The following KIAA1671 variants were observed in gnomAD, a reference collection of about 807,000 sequenced individuals.
The protein encoded by KIAA1671 is KIAA1671, also known as uncharacterized protein KIAA1671.
In KIAA1671, 52 loss-of-function variants were observed where a neutral mutation model predicts 131.2. That is an observed-to-expected ratio of 0.40 (90% CI 0.32 to 0.50). KIAA1671 has a LOEUF of 0.50. KIAA1671 is among the 20% of genes least tolerant of loss of function. The probability of loss-of-function intolerance (pLI) is 0.73; values close to 1 mark genes in which losing one functional copy is unlikely to be tolerated. For missense variants in KIAA1671, 2,360 were observed against 2,364.2 expected, an observed-to-expected ratio of 1.00 and a Z score of 0.04; for synonymous variants, 1,003 against 961.6, an observed-to-expected ratio of 1.04 and a Z score of -0.80.
chr22:25,158,732 G>A (rs563711544), intron 6 of KIAA1671, among the ~76,000 whole-genome samples: 2 of 152,206 alleles, frequency 1.3e-5, no homozygotes, highest in African/African-American at 4.8e-5. Flanking sequence ...TCTGTGCCTC[G>A]GTCTTCTCAT....
chr22:25,097,919 A>G (rs1391564530), intron 6 of KIAA1671, among the ~76,000 whole-genome samples: 1 of 151,980 alleles, frequency 6.6e-6, no homozygotes, highest in African/African-American at 2.4e-5. Context: ...TTTTCTTGGC[A>G]TCTTATTCCC....
chr22:25,165,952 A>T (rs1933632009), intron 6 of KIAA1671, among the ~76,000 whole-genome samples: 1 of 152,014 alleles, frequency 6.6e-6, no homozygotes, highest in Non-Finnish European at 1.5e-5. Flanking sequence ...CAGGCCCCGC[A>T]CCCATGCAGG....
Position 25,168,628 on chromosome 22 carries a change from G to A in KIAA1671, c.4531-2192G>A, listed in dbSNP as rs543714773. 2.7e-4 allele frequency among the ~76,000 whole-genome samples: 41 copies of A among 152,272 alleles called. No homozygotes were observed. In the East Asian group the frequency reaches 7.7e-3, roughly 29 times the overall value. Reference sequence around the variant, plus strand: ...AAATCACTTGAACCTGGGAGGCGGAGGTTGCGGTGAGCCAAGATTGCACCA... The same window carrying A: ...AAATCACTTGAACCTGGGAGGCGGAAGTTGCGGTGAGCCAAGATTGCACCA... On this transcript the variant is annotated intron_variant, in intron 6 of 12. Transcript: ENST00000358431.
At chr22:25,035,918 A>T (rs1360310316) in intron 4 of KIAA1671, among the ~76,000 whole-genome samples, 1 of 152,172 alleles carries the variant, frequency 6.6e-6, no homozygotes, top group African/African-American at 2.4e-5. Flanking sequence ...TAAAATACAC[A>T]TAACAGGCTG....
chr22:24,963,608 T>A (rs1328138331), intron 1 of KIAA1671, among the ~76,000 whole-genome samples: 2 of 152,074 alleles, frequency 1.3e-5, no homozygotes, highest in African/African-American at 2.4e-5. Context: ...CCTTGACCTG[T>A]GCGCTGGCTT....
At chr22:25,107,619 T>C (rs1006056359) in intron 6 of KIAA1671, among the ~76,000 whole-genome samples, 1 of 151,276 alleles carries the variant, frequency 6.6e-6, no homozygotes, top group Non-Finnish European at 1.5e-5. Flanking sequence ...GACTACAGGG[T>C]TCAAACAATC....
At chr22:25,171,305 C>T (rs1287976573) in intron 7 of KIAA1671, among the ~76,000 whole-genome samples, 1 of 152,018 alleles carries the variant, frequency 6.6e-6, no homozygotes, top group African/African-American at 2.4e-5. Context: ...GAGGCTGAGG[C>T]AGGAGAATCA....
rs1934079952 is a variant in KIAA1671, at chr22:25,177,541, C to T, written c.5074+19C>T. The T allele has an allele frequency of 6.5e-6, 10 of 1,541,166 alleles. No individual in the cohort carries two copies. The highest frequency in any genetic ancestry group is 5.9e-5 in the Admixed American group (3 of 50,618). The stretch of plus-strand genomic sequence containing the variant: ...TCAACGGGTATGCCATGACTTCTCT[C>T]CTCCTCAGATAGCACATTGAACAGC... On this transcript the variant is annotated intron_variant, in intron 9 of 12. Coordinates refer to ENST00000358431, the MANE Select transcript of KIAA1671 (RefSeq NM_001145206.2).
Position 25,190,723 on chromosome 22 carries a change from G to C in KIAA1671, c.5364G>C (p.Gln1788His), listed in dbSNP as rs1934646907. Reference sequence around the variant, plus strand: ...TCAGGTCGGATGAACCCTCTCCCCAGTGGCTAAAGGAATTGAAATCCAAGA... The same window carrying C: ...TCAGGTCGGATGAACCCTCTCCCCACTGGCTAAAGGAATTGAAATCCAAGA... ...KDERSDEPSP[Q>H]WLKELKSKKR... is the part of the protein sequence containing the mutation. The change falls in exon 12 of 13, where the codon CAG (glutamine) becomes CAC (histidine). Residue 1788 changes from glutamine to histidine, a missense_variant. Around this residue, in one of 3 missense-constraint regions of KIAA1671, gnomAD observed 1,161 missense variants for 1,204.7 expected, o/e 0.96. Transcript: ENST00000358431. The C allele has an allele frequency of 2.0e-5, 31 of 1,551,842 alleles. No homozygotes were observed. Among genetic ancestry groups the C allele is most frequent in the Non-Finnish European group, 2.7e-5 (31 of 1,146,950 alleles).
At chr22:25,033,411 A>G (rs951811881) in intron 4 of KIAA1671, among the ~76,000 whole-genome samples, 1 of 152,124 alleles carries the variant, frequency 6.6e-6, no homozygotes, top group East Asian at 1.9e-4. Context: ...AATGTAAATT[A>G]AAACAAAAAG....
intron 12 of KIAA1671, among the ~76,000 whole-genome samples, chr22:25,191,122 G>A (rs1232272420): frequency 6.6e-6 from 1 of 150,742 alleles, no homozygotes; most frequent in Non-Finnish European, 1.5e-5. Context: ...GACATCAGAG[G>A]TTAGCTTAAT....
At chr22:25,003,024 C>T (rs561762665) in intron 1 of KIAA1671, among the ~76,000 whole-genome samples, 3 of 152,170 alleles carry the variant, frequency 2.0e-5, no homozygotes, top group African/African-American at 4.8e-5. Context: ...CCATCCGCCT[C>T]GGCCTCCCAA....
At chr22:25,012,378 T>G (rs2123878280) in intron 1 of KIAA1671, 1 of 152,214 alleles carries the variant, frequency 6.6e-6, no homozygotes, top group Admixed American at 6.5e-5. Context: ...GTTCAAGTGA[T>G]TCTCCTGCTT....
At chr22:25,064,606 C>A (rs1016327324) in intron 6 of KIAA1671, 6 of 152,230 alleles carry the variant, frequency 3.9e-5, no homozygotes, top group African/African-American at 1.4e-4. Flanking sequence ...TCTCCCTAGT[C>A]CTCAGTTTCC....
chr22:25,072,860 G>A (rs921699785), intron 6 of KIAA1671, among the ~76,000 whole-genome samples: 1 of 152,162 alleles, frequency 6.6e-6, no homozygotes, highest in Admixed American at 6.5e-5. Context: ...CAGCTAACCA[G>A]GAATAATTGC....
chr22:25,162,845 C>T (rs1933492838), intron 6 of KIAA1671, among the ~76,000 whole-genome samples: 2 of 152,202 alleles, frequency 1.3e-5, no homozygotes, highest in South Asian at 4.1e-4. Flanking sequence ...CAGAGACCAT[C>T]ATGACCCACA....
chr22:24,983,463 A>G (rs1923335180), intron 1 of KIAA1671, among the ~76,000 whole-genome samples: 1 of 152,060 alleles, frequency 6.6e-6, no homozygotes, highest in Admixed American at 6.5e-5. Context: ...TTCAGACCTA[A>G]CTAATTACAT....
rs868283978 is a variant in KIAA1671 at position 25,093,885 on chromosome 22, T to C, written c.4530+44521T>C. On this transcript the variant is annotated intron_variant, in intron 6 of 12. Coordinates refer to ENST00000358431, the MANE Select transcript of KIAA1671 (RefSeq NM_001145206.2). ...CTCTCTCTCTCTCTCTCTCTCTCTC[T>C]CCCTTCTGCTTCTGCTTCTGCTTCT... 9.6e-4 allele frequency among the ~76,000 whole-genome samples: 133 copies of C among 138,724 alleles called. 3 individuals are homozygous for C. The highest frequency in any genetic ancestry group is 3.0e-3 in the African/African-American group (112 of 37,314). 91.0% of individuals were successfully genotyped at this position (138,724 alleles called of 152,430 possible).
At chr22:25,093,179 T>C (rs969512702) in intron 6 of KIAA1671, among the ~76,000 whole-genome samples, 1 of 152,158 alleles carries the variant, frequency 6.6e-6, no homozygotes, top group Non-Finnish European at 1.5e-5. Flanking sequence ...GTTATCCCCA[T>C]TTACAGATGA....
Sources: allele counts gnomAD v4.1 joint callset (sites outside exome capture counted in the v4.1 genomes callset), GRCh38; gene constraint gnomAD v4.1.1; regional missense constraint gnomAD v4.1.1; transcripts MANE v1.5; gene names NCBI Gene and HGNC (gene_info 2026-07-23, HGNC 2026-07-21).